The following LHFPL3 variants were observed in gnomAD, a reference collection of about 807,000 sequenced individuals.
LHFPL3 encodes LHFPL tetraspan subfamily member 3 protein.
In LHFPL3, 5 loss-of-function variants were observed where a neutral mutation model predicts 19.3. The observed-to-expected ratio is 0.26, with a 90% CI of 0.14 to 0.54. The LOEUF is 0.54. Ranked by LOEUF, LHFPL3 falls within the 20% of genes least tolerant of loss-of-function variation. The pLI, the probability that LHFPL3 is intolerant of heterozygous loss-of-function variation, is 0.94. For missense variants in LHFPL3, 249 were observed against 307.4 expected (o/e 0.81, Z 1.42); for synonymous variants, 133 against 126.2 (o/e 1.05, Z -0.36).
At chr7:104,481,250 G>A (rs1793130872) in intron 1 of LHFPL3, among the ~76,000 whole-genome samples, 1 of 152,042 alleles carries the variant, frequency 6.6e-6, no homozygotes, top group African/African-American at 2.4e-5. Context: ...TCTGCCTCCG[G>A]TCTCACTCCC....
chr7:104,595,219 G>T (rs1240276137), intron 1 of LHFPL3, among the ~76,000 whole-genome samples: 2 of 152,178 alleles, frequency 1.3e-5, no homozygotes, highest in Admixed American at 6.5e-5. Context: ...TACAGATGGG[G>T]TTTTGGTGTA....
chr7:104,804,712 A>G (rs939739242), intron 2 of LHFPL3, among the ~76,000 whole-genome samples: 1 of 152,172 alleles, frequency 6.6e-6, no homozygotes, highest in African/African-American at 2.4e-5. Flanking sequence ...TGAGGTCCTC[A>G]ATGCAGTAGC....
chr7:104,891,878 TAG>T (rs1204437247), intron 2 of LHFPL3, among the ~76,000 whole-genome samples: 3 of 152,202 alleles, frequency 2.0e-5, no homozygotes, highest in African/African-American at 7.2e-5. Context: ...AGGGAGCTCT[TAG>T]AGTGACTTAA....
chr7:104,593,194 G>C (rs535682512), intron 1 of LHFPL3, among the ~76,000 whole-genome samples: 49 of 152,046 alleles, frequency 3.2e-4, no homozygotes, highest in African/African-American at 9.9e-4. Context: ...AAATTTCCCT[G>C]TACACACTGT....
intron 1 of LHFPL3, among the ~76,000 whole-genome samples, chr7:104,509,461 C>T (rs529807483): frequency 6.6e-6 from 1 of 151,854 alleles, no homozygotes; most frequent in Non-Finnish European, 1.5e-5. Context: ...CCACCATATT[C>T]ACAGGCTAAA....
At chr7:104,603,116 TTCTTTC>T (rs1392460146) in intron 1 of LHFPL3, among the ~76,000 whole-genome samples, 9 of 141,666 alleles carry the variant, frequency 6.4e-5, no homozygotes, top group African/African-American at 2.4e-4. Context: ...CTTTCTTTCT[TTCTTTC>T]TTTCTTTCTT....
chr7:104,825,897 C>T (rs1426600747), intron 2 of LHFPL3, among the ~76,000 whole-genome samples: 1 of 151,776 alleles, frequency 6.6e-6, no homozygotes, highest in Non-Finnish European at 1.5e-5. Flanking sequence ...ATGCCCCACC[C>T]GACCACTTTT....
At chr7:104,776,646 A>G (rs1794641135) in intron 2 of LHFPL3, among the ~76,000 whole-genome samples, 1 of 152,192 alleles carries the variant, frequency 6.6e-6, no homozygotes, top group Admixed American at 6.5e-5. Flanking sequence ...ATACTTTGAG[A>G]ACCTCTGATT....
chr7:104,631,648 G>A (rs2216246), intron 1 of LHFPL3, among the ~76,000 whole-genome samples: 141,500 of 152,256 alleles, frequency 0.93, 66,628 homozygotes, highest in East Asian at 1. Flanking sequence ...ATGTTGGCCT[G>A]GTTTTTATAT....
At chr7:104,417,884 C>CTTTTTTTTT (rs762794916) in intron 1 of LHFPL3, among the ~76,000 whole-genome samples, 8 of 117,762 alleles carry the variant, frequency 6.8e-5, no homozygotes, top group East Asian at 2.3e-4. Flanking sequence ...TCTTCTTCTT[C>CTTTTTTTTT]TTTTTTTTTT....
intron 1 of LHFPL3, among the ~76,000 whole-genome samples, chr7:104,680,584 C>T (rs1247935893): frequency 1.3e-5 from 2 of 152,186 alleles, no homozygotes; most frequent in African/African-American, 4.8e-5. Context: ...GAAACACCTC[C>T]CCTTGTAGGA....
chr7:104,567,955 G>A (rs926370119), intron 1 of LHFPL3, among the ~76,000 whole-genome samples: 7 of 152,050 alleles, frequency 4.6e-5, no homozygotes, highest in African/African-American at 1.4e-4. Flanking sequence ...GTCAAGTTTC[G>A]GGGCACCAAC....
At chr7:104,593,789 T>C (rs1020646413) in intron 1 of LHFPL3, among the ~76,000 whole-genome samples, 1 of 152,216 alleles carries the variant, frequency 6.6e-6, no homozygotes, top group Non-Finnish European at 1.5e-5. Context: ...TTTACTATTA[T>C]GTAATGGCCT....
chr7:104,620,219 TC>T (rs200350689), intron 1 of LHFPL3, among the ~76,000 whole-genome samples: 2 of 152,214 alleles, frequency 1.3e-5, no homozygotes, highest in East Asian at 1.9e-4. Flanking sequence ...CATCAGAGAA[TC>T]AAGCAAATTG....
intron 2 of LHFPL3, among the ~76,000 whole-genome samples, chr7:104,817,512 T>C (rs1171675027): frequency 1.3e-5 from 2 of 152,226 alleles, no homozygotes; most frequent in Non-Finnish European, 2.9e-5. Context: ...GCAAGTCTCC[T>C]AAACGCTTAT....
chr7:104,634,892 C>T (rs1791704795), intron 1 of LHFPL3, among the ~76,000 whole-genome samples: 1 of 152,124 alleles, frequency 6.6e-6, no homozygotes, highest in Non-Finnish European at 1.5e-5. Context: ...TGAATAAAGT[C>T]TCCAACATGA....
intron 2 of LHFPL3, chr7:104,752,810 G>T (rs920346542): frequency 1.3e-5 from 5 of 392,930 alleles, no homozygotes; most frequent in African/African-American, 1.0e-4. Flanking sequence ...AAGCCTCCAC[G>T]TTGGGCACCA....
chr7:104,853,659 A>G (rs549031646), intron 2 of LHFPL3, among the ~76,000 whole-genome samples: 1 of 152,358 alleles, frequency 6.6e-6, no homozygotes, highest in African/African-American at 2.4e-5. Flanking sequence ...AAAATCCCAC[A>G]ACAAGATGAG....
intron 2 of LHFPL3, among the ~76,000 whole-genome samples, chr7:104,849,546 G>T (rs1791376495): frequency 6.6e-6 from 1 of 151,968 alleles, no homozygotes. Context: ...TAATTAATAA[G>T]AGAAAAGGCA....
Sources: allele counts gnomAD v4.1 joint callset (sites outside exome capture counted in the v4.1 genomes callset), GRCh38; gene constraint gnomAD v4.1.1; transcripts MANE v1.5; gene names NCBI Gene and HGNC (gene_info 2026-07-23, HGNC 2026-07-21).